ADGRL2: variants seen among roughly 807,000 people sequenced by gnomAD.
ADGRL2 encodes the protein adhesion G protein-coupled receptor L2.
A neutral mutation model predicts 157.4 loss-of-function variants in ADGRL2; 44 were observed. The observed-to-expected ratio is 0.28, with a 90% CI of 0.22 to 0.36. The LOEUF (loss-of-function observed/expected upper bound fraction) is 0.36. Ranked by LOEUF, ADGRL2 falls within the 10% of genes least tolerant of loss-of-function variation. The pLI is 1.00. For missense variants in ADGRL2, 1,510 were observed against 1,768.9 expected (o/e 0.85, Z 2.63); for synonymous variants, 585 against 624.7 (o/e 0.94, Z 0.95).
chr1:81,356,971 A>AAAAAAAAAAAGAAG lies in ADGRL2; in HGVS notation c.-302+50464_-302+50465insAAAAAAAAGAAGAA, dbSNP rs80327519. On this transcript the variant is annotated intron_variant, in intron 1 of 24. Coordinates refer to the ADGRL2 transcript ENST00000370721. ...CCGTCTCAAAAAAAAAAAAAAAAAA[A>AAAAAAAAAAAGAAG]AAGAAGTTGTTTCCTTTTAAAGCTC... 2.0e-3 allele frequency among the ~76,000 whole-genome samples: 197 copies of AAAAAAAAAAAGAAG among 99,340 alleles called. 9 individuals are homozygous for AAAAAAAAAAAGAAG. The highest frequency in any genetic ancestry group is 2.9e-3 in the Non-Finnish European group (141 of 48,816). 65.2% of individuals were successfully genotyped at this position (99,340 alleles called of 152,430 possible). A position where few individuals can be genotyped will look rare whatever the true frequency, so the allele number is the denominator to read the frequency against.
At chr1:81,563,183 T>C (rs981951180) in intron 2 of ADGRL2, among the ~76,000 whole-genome samples, 1 of 152,306 alleles carries the variant, frequency 6.6e-6, no homozygotes, top group East Asian at 1.9e-4. Context: ...CCCATAGGAT[T>C]TGAGAAACGT....
At chr1:81,440,867 T>C (rs1438030710) in intron 1 of ADGRL2, among the ~76,000 whole-genome samples, 2 of 152,218 alleles carry the variant, frequency 1.3e-5, no homozygotes, top group Non-Finnish European at 2.9e-5. Flanking sequence ...TTTTCTTCCT[T>C]CTAATTCCCA....
chr1:81,984,699 C>T lies in ADGRL2; in HGVS notation c.3399C>T (p.Ser1133=). ...CCACCAGAACCAGTGCTCGCTATTC[C>T]TCTGGCACACAGGTAACAAAGAGTT... ...ASTTRTSARY[S]SGTQSRIRRM... is the part of the protein sequence containing the mutation. Residue 1133 remains serine, a synonymous_variant, in exon 20 of 24, where the codon TCC becomes TCT. Transcript: ENST00000686636. The T allele has an allele frequency of 6.2e-7, 1 of 1,612,580 alleles. No individual in the cohort carries two copies. Among genetic ancestry groups the T allele is most frequent in the East Asian group, 2.2e-5 (1 of 44,844 alleles).
intron 3 of ADGRL2, among the ~76,000 whole-genome samples, chr1:81,582,771 C>T (rs1255968708): frequency 1.3e-5 from 2 of 152,136 alleles, no homozygotes; most frequent in African/African-American, 2.4e-5. Flanking sequence ...ACATACCCCA[C>T]CACACATCAA....
intron 3 of ADGRL2, among the ~76,000 whole-genome samples, chr1:81,909,005 G>T (rs1290813622): frequency 1.3e-5 from 2 of 151,666 alleles, no homozygotes; most frequent in Admixed American, 6.6e-5. Flanking sequence ...CTCCTGAGTA[G>T]CTGGGATTAC....
chr1:81,783,495 T>TA (rs1346902260), intron 2 of ADGRL2, among the ~76,000 whole-genome samples: 2 of 152,138 alleles, frequency 1.3e-5, no homozygotes, highest in African/African-American at 4.8e-5. Flanking sequence ...TTCTTATTTT[T>TA]ATCTCTTGTT....
At chr1:81,791,161 C>T (rs1483129570) in intron 2 of ADGRL2, among the ~76,000 whole-genome samples, 1 of 146,212 alleles carries the variant, frequency 6.8e-6, no homozygotes, top group Non-Finnish European at 1.5e-5. Context: ...TTTGAGGGGT[C>T]TTTTTTCTTT....
chr1:81,730,047 T>G (rs996048834), intron 1 of ADGRL2, among the ~76,000 whole-genome samples: 6 of 152,180 alleles, frequency 3.9e-5, no homozygotes, highest in African/African-American at 9.7e-5. Context: ...GCTGCTAAGA[T>G]GCTCTTTAAT....
chr1:81,849,670 T>A (rs1000382918), intron 2 of ADGRL2, among the ~76,000 whole-genome samples: 1 of 151,936 alleles, frequency 6.6e-6, no homozygotes, highest in African/African-American at 2.4e-5. Context: ...TTTGGTCTTT[T>A]AGGACGATTG....
intron 3 of ADGRL2, among the ~76,000 whole-genome samples, chr1:81,634,711 C>T (rs191586684): frequency 7.9e-5 from 12 of 151,802 alleles, no homozygotes; most frequent in African/African-American, 2.2e-4. Flanking sequence ...TTAGTAGAGA[C>T]GGGGTTTCAC....
At chr1:81,859,406 CTTTT>C (rs34509135) in intron 2 of ADGRL2, among the ~76,000 whole-genome samples, 8 of 124,902 alleles carry the variant, frequency 6.4e-5, no homozygotes, top group East Asian at 2.2e-4. Context: ...AGAATAAAAC[CTTTT>C]TTTTTTTTTT....
chr1:81,544,404 C>A (rs1033246228), intron 2 of ADGRL2, among the ~76,000 whole-genome samples: 2 of 152,022 alleles, frequency 1.3e-5, no homozygotes, highest in Admixed American at 6.6e-5. Context: ...TATAATATTT[C>A]TGGTGTTTGT....
At chr1:81,625,361 AC>A (rs2081889319) in intron 3 of ADGRL2, among the ~76,000 whole-genome samples, 1 of 152,080 alleles carries the variant, frequency 6.6e-6, no homozygotes, top group Non-Finnish European at 1.5e-5. Context: ...ATTTTTCATT[AC>A]AAAATATTTA....
chr1:81,382,245 C>T (rs747137700), intron 1 of ADGRL2, among the ~76,000 whole-genome samples: 9 of 152,132 alleles, frequency 5.9e-5, no homozygotes, highest in African/African-American at 1.7e-4. Flanking sequence ...CAACATTCAT[C>T]GCCATAATGC....
At chr1:81,818,942 A>G (rs1433968614) in intron 1 of ADGRL2, among the ~76,000 whole-genome samples, 2 of 152,132 alleles carry the variant, frequency 1.3e-5, no homozygotes, top group Non-Finnish European at 2.9e-5. Flanking sequence ...GAAAGGTAAA[A>G]ATATAGTGCC....
chr1:81,895,393 CT>C (rs34557038), intron 2 of ADGRL2, among the ~76,000 whole-genome samples: 26,341 of 97,320 alleles, frequency 0.27, 2,186 homozygotes, highest in African/African-American at 0.42. Flanking sequence ...TTAAATGTAT[CT>C]TTTTTTTTTT....
chr1:81,538,499 A>G (rs551330057), intron 2 of ADGRL2, among the ~76,000 whole-genome samples: 103 of 152,330 alleles, frequency 6.8e-4, no homozygotes, highest in African/African-American at 2.4e-3. Flanking sequence ...TACACATGTA[A>G]TTTCTGAAAT....
chr1:81,720,902 A>G (rs548966032), intron 1 of ADGRL2, among the ~76,000 whole-genome samples: 77 of 149,860 alleles, frequency 5.1e-4, no homozygotes, highest in Non-Finnish European at 9.6e-4. Context: ...ATTATACTAT[A>G]TATGTTTTAT....
intron 1 of ADGRL2, among the ~76,000 whole-genome samples, chr1:81,412,475 T>C (rs1203246807): frequency 6.6e-6 from 1 of 152,244 alleles, no homozygotes; most frequent in African/African-American, 2.4e-5. Context: ...TCCACCTCTC[T>C]AACTTAGAAG....
Sources: allele counts gnomAD v4.1 joint callset (sites outside exome capture counted in the v4.1 genomes callset), GRCh38; gene constraint gnomAD v4.1.1; transcripts MANE v1.5; gene names NCBI Gene and HGNC (gene_info 2026-07-23, HGNC 2026-07-21).